Variants in MEOX2 observed in about 807,000 individuals in gnomAD.
The protein encoded by MEOX2 is homeobox protein MOX-2.
Under a neutral mutation model 27.0 loss-of-function variants are expected in MEOX2, and 11 were observed. The observed-to-expected ratio is 0.41, with a 90% CI of 0.26 to 0.68. MEOX2 has a LOEUF of 0.68. Ranked by LOEUF, MEOX2 falls within the 30% of genes least tolerant of loss-of-function variation. The pLI, the probability that MEOX2 is intolerant of heterozygous loss-of-function variation, is 0.33. For synonymous variants in MEOX2, 189 were observed against 155.4 expected, an observed-to-expected ratio of 1.22 and a Z score of -1.61; for missense variants, 436 against 385.4, an observed-to-expected ratio of 1.13 and a Z score of -1.10.
intron 2 of MEOX2, among the ~76,000 whole-genome samples, chr7:15,620,427 G>A (rs980898447): frequency 6.6e-6 from 1 of 152,066 alleles, no homozygotes; most frequent in African/African-American, 2.4e-5. Context: ...AGCAAAACGG[G>A]CGTGGTAGCG....
intron 1 of MEOX2, among the ~76,000 whole-genome samples, chr7:15,634,712 T>A (rs1781455628): frequency 6.6e-6 from 1 of 151,988 alleles, no homozygotes; most frequent in Admixed American, 6.6e-5. Flanking sequence ...CACGCATTAT[T>A]TATGTGTAAA....
intron 1 of MEOX2, among the ~76,000 whole-genome samples, chr7:15,664,908 T>C (rs898151722): frequency 1.3e-5 from 2 of 152,168 alleles, no homozygotes; most frequent in African/African-American, 4.8e-5. Flanking sequence ...AAATACTTTA[T>C]CTTGGAGGAT....
intron 1 of MEOX2, chr7:15,668,066 T>C (rs1433983976): frequency 2.0e-5 from 3 of 152,218 alleles, no homozygotes; most frequent in Non-Finnish European, 4.4e-5. Flanking sequence ...AGCCAAGTAA[T>C]GTGGAAACTA....
intron 1 of MEOX2, among the ~76,000 whole-genome samples, chr7:15,678,000 AT>A (rs1223709295): frequency 1.3e-5 from 2 of 152,282 alleles, no homozygotes; most frequent in East Asian, 3.9e-4. Flanking sequence ...ATTATTTATA[AT>A]TCCCTGAATT....
chr7:15,640,038 T>C (rs776798653), intron 1 of MEOX2, among the ~76,000 whole-genome samples: 3 of 152,174 alleles, frequency 2.0e-5, no homozygotes, highest in Non-Finnish European at 4.4e-5. Context: ...AGTAGTTTAA[T>C]AGGAATTGTG....
intron 1 of MEOX2, among the ~76,000 whole-genome samples, chr7:15,638,340 G>A (rs1018596098): frequency 6.6e-5 from 10 of 151,968 alleles, no homozygotes; most frequent in African/African-American, 1.7e-4. Flanking sequence ...CAATTAAATG[G>A]CATTATCTTT....
Position 15,686,536 on chromosome 7 carries a change from G to T in MEOX2, c.-134C>A. On this transcript the variant is annotated 5_prime_UTR_variant, in exon 1 of 3. In the 5' UTR this introduces an upstream ATG that the reference lacks. Transcript: ENST00000262041. ...AAAGCAATAGCGGTGCACTTCTGCAGAGCTCGGATAATCCCGGTCCTGAGC... is the reference window on the plus strand; with the variant it reads ...AAAGCAATAGCGGTGCACTTCTGCATAGCTCGGATAATCCCGGTCCTGAGC... 1 of 797,388 alleles carries T rather than the reference G, an allele frequency of 1.3e-6. No homozygotes were observed. The highest frequency in any genetic ancestry group is 1.9e-5 in the South Asian group (1 of 53,832). The allele number at this position is 797,388 out of a possible 1,614,324, so 49.4% of individuals were successfully genotyped here.
At chr7:15,675,608 C>T (rs1002210424) in intron 1 of MEOX2, among the ~76,000 whole-genome samples, 5 of 152,200 alleles carry the variant, frequency 3.3e-5, no homozygotes, top group African/African-American at 1.2e-4. Flanking sequence ...TGGGCACATT[C>T]CCTCATCTAG....
At chr7:15,647,031 T>C (rs1330796376) in intron 1 of MEOX2, among the ~76,000 whole-genome samples, 1 of 152,042 alleles carries the variant, frequency 6.6e-6, no homozygotes, top group Non-Finnish European at 1.5e-5. Context: ...ATATTTATTA[T>C]GTTAAACTAT....
At chr7:15,642,668 T>C (rs1019118885) in intron 1 of MEOX2, among the ~76,000 whole-genome samples, 4 of 152,208 alleles carry the variant, frequency 2.6e-5, no homozygotes, top group African/African-American at 9.7e-5. Flanking sequence ...CCTTTGAGGG[T>C]GTCAGAGCAT....
intron 2 of MEOX2, among the ~76,000 whole-genome samples, chr7:15,617,837 T>C (rs970460697): frequency 6.6e-6 from 1 of 152,110 alleles, no homozygotes; most frequent in Non-Finnish European, 1.5e-5. Flanking sequence ...CCAAGTCTTG[T>C]GGATCAGGCT....
intron 1 of MEOX2, among the ~76,000 whole-genome samples, chr7:15,660,047 G>A (rs1001362166): frequency 1.3e-5 from 2 of 152,082 alleles, no homozygotes; most frequent in African/African-American, 2.4e-5. Flanking sequence ...ATCATTGAGA[G>A]GAAAAGTGAA....
At chr7:15,680,661 T>C (rs1782278612) in intron 1 of MEOX2, 1 of 151,892 alleles carries the variant, frequency 6.6e-6, no homozygotes, top group East Asian at 1.9e-4. Flanking sequence ...GGCAAAATGT[T>C]AGTGCCTCAT....
At chr7:15,649,933 A>G (rs1426994519) in intron 1 of MEOX2, among the ~76,000 whole-genome samples, 1 of 152,106 alleles carries the variant, frequency 6.6e-6, no homozygotes, top group African/African-American at 2.4e-5. Context: ...CCAACGCTGT[A>G]GAAATTAAGC....
chr7:15,637,326 A>G (rs915467725), intron 1 of MEOX2, among the ~76,000 whole-genome samples: 3 of 152,068 alleles, frequency 2.0e-5, no homozygotes, highest in Admixed American at 1.3e-4. Context: ...CACATACGTC[A>G]TAGGTTACAT....
At chr7:15,662,339 A>C (rs1781931134) in intron 1 of MEOX2, among the ~76,000 whole-genome samples, 1 of 152,030 alleles carries the variant, frequency 6.6e-6, no homozygotes, top group South Asian at 2.1e-4. Context: ...CCATTTTCTT[A>C]AACTAAAAGC....
chr7:15,648,735 A>C (rs1181407368), intron 1 of MEOX2, among the ~76,000 whole-genome samples: 1 of 152,088 alleles, frequency 6.6e-6, no homozygotes, highest in East Asian at 1.9e-4. Flanking sequence ...GATGTAGCGA[A>C]AGTGCTGCAG....
At chr7:15,675,364 G>T (rs1782175848) in intron 1 of MEOX2, among the ~76,000 whole-genome samples, 1 of 152,096 alleles carries the variant, frequency 6.6e-6, no homozygotes, top group South Asian at 2.1e-4. Context: ...TCAGATTCTG[G>T]GAGAGGTAAT....
At chr7:15,669,898 C>T (rs1247210181) in intron 1 of MEOX2, among the ~76,000 whole-genome samples, 1 of 152,120 alleles carries the variant, frequency 6.6e-6, no homozygotes, top group African/African-American at 2.4e-5. Context: ...CTGCCTGATT[C>T]GATTAAGTTT....
Sources: gnomAD v4.1 joint callset for allele counts (sites outside exome capture counted in the v4.1 genomes callset) on GRCh38, gnomAD v4.1.1 for gene constraint, MANE v1.5 for transcripts, NCBI Gene and HGNC (gene_info 2026-07-23, HGNC 2026-07-21) for gene names.